Variants in ERICH3 observed in about 807,000 individuals in gnomAD.
ERICH3 encodes glutamate-rich protein 3.
Under a neutral mutation model 131.1 loss-of-function variants are expected in ERICH3, and 126 were observed. That is an observed-to-expected ratio of 0.96 (90% CI 0.83 to 1.11). ERICH3 has a LOEUF of 1.11. Among genes scored for constraint, ERICH3 ranks in the 50% most tolerant of loss-of-function variants. ERICH3 has a pLI of 0.00. For synonymous variants in ERICH3, 695 were observed against 644.6 expected (o/e 1.08, Z -1.18); for missense variants, 2,050 against 1,810.7 (o/e 1.13, Z -2.40).
In ERICH3 at chr1:74,619,990, A is replaced by G. The variant is rs182211471; in HGVS notation, c.1000+744T>C. 6.6e-5 allele frequency among the ~76,000 whole-genome samples: 10 copies of G among 152,258 alleles called. No individual in the cohort carries two copies. In the East Asian group the frequency reaches 9.6e-4, roughly 15 times the overall value. On this transcript the variant is annotated intron_variant, in intron 8 of 14. Coordinates refer to ENST00000326665, the MANE Select transcript of ERICH3 (RefSeq NM_001002912.5). ...AGTAAAAATTCCATGTTTGTCCCCAATTCTCCCCGTAACTCCTACCAAGAT... is the reference window on the plus strand; with the variant it reads ...AGTAAAAATTCCATGTTTGTCCCCAGTTCTCCCCGTAACTCCTACCAAGAT...
chr1:74,631,905 G>A lies in ERICH3; in HGVS notation c.627C>T (p.Phe209=). Residue 209 remains phenylalanine, a synonymous_variant, in exon 7 of 15, where the codon TTC becomes TTT. Transcript: ENST00000326665. ...PIGGKKAVMK[F]RNSIGNSQRM... ...TCTGTGAATTGCCTATGGAGTTCCT[G>A]AACTTCATCACTGCCTTCTTGCCCT... The A allele has an allele frequency of 6.2e-7, 1 of 1,612,832 alleles. No homozygotes were observed. Among genetic ancestry groups the A allele is most frequent in the Non-Finnish European group, 8.5e-7 (1 of 1,179,146 alleles).
chr1:74,588,434 A>G (rs1156255317), intron 12 of ERICH3, among the ~76,000 whole-genome samples: 1 of 152,166 alleles, frequency 6.6e-6, no homozygotes, highest in Non-Finnish European at 1.5e-5. Context: ...AAGATTAATA[A>G]TATTGGTTGA....
rs148417635 is a variant in ERICH3 at position 74,604,428 on chromosome 1, T to A, written c.1489+2173A>T. 3.2e-3 allele frequency among the ~76,000 whole-genome samples: 483 copies of A among 152,084 alleles called. 1 individual carries two copies. The highest frequency in any genetic ancestry group is 5.4e-3 in the Non-Finnish European group (367 of 67,912). ...TGAATCATGAATGTTCTTAATGGCA[T>A]CTAGAATTGTGAATCCTTTCCAGAA... On this transcript the variant is annotated intron_variant, in intron 10 of 14. Transcript: ENST00000326665.
At chr1:74,635,846 TG>T (rs1451324315) in intron 6 of ERICH3, among the ~76,000 whole-genome samples, 2 of 152,186 alleles carry the variant, frequency 1.3e-5, no homozygotes, top group Non-Finnish European at 2.9e-5. Context: ...AAGTCAAACT[TG>T]AAGCAATTTC....
At chr1:74,606,469 G>A in intron 10 of ERICH3, 132 bp downstream of exon 10, 1 of 884,990 alleles carries the variant, frequency 1.1e-6, no homozygotes, top group Non-Finnish European at 1.7e-6. Flanking sequence ...AAAGGAAGGA[G>A]GTCAGGGGCA....
At chr1:74,589,199 G>C (rs1201427160) in intron 12 of ERICH3, 1 of 190,000 alleles carries the variant, frequency 5.3e-6, no homozygotes, top group African/African-American at 2.3e-5. Flanking sequence ...ATATATCTAA[G>C]TGTTTAGAAC....
chr1:74,606,505 C>A, intron 10 of ERICH3, 96 bp downstream of exon 10: 1 of 1,301,042 alleles, frequency 7.7e-7, no homozygotes, highest in Non-Finnish European at 1.1e-6. Context: ...AGCTGGGTAA[C>A]ATTTAATGGG....
At chr1:74,601,219 G>C (rs979017869) in intron 10 of ERICH3, among the ~76,000 whole-genome samples, 13 of 151,720 alleles carry the variant, frequency 8.6e-5, no homozygotes, top group African/African-American at 3.1e-4. Context: ...TAATAAAAAC[G>C]AGTAAATATT....
chr1:74,616,840 G>A (rs948864335), intron 8 of ERICH3, among the ~76,000 whole-genome samples: 9 of 152,100 alleles, frequency 5.9e-5, no homozygotes, highest in Middle Eastern at 3.2e-3. Context: ...TTGAAGTGAC[G>A]GAACCACAGG....
At chr1:74,590,119 T>A (rs968602504) in intron 11 of ERICH3, 39 bp from the exon 12 acceptor site, 6 of 1,464,720 alleles carry the variant, frequency 4.1e-6, no homozygotes, top group Non-Finnish European at 5.5e-6. Flanking sequence ...TGTTGTTCTG[T>A]AAAGCAATTG....
At position 74,599,741 on chromosome 1, in the gene ERICH3, A is replaced by G; in HGVS notation, c.1680T>C (p.Asp560=). ...CACTCTCAGAGCATCCATCATTCTC[A>G]TCTTTCACATTGTCACGGGCATCTG... ...KAPDARDNVK[D]ENDGCSESEL... Residue 560 remains aspartate (D), a synonymous_variant, in exon 11 of 15, where the codon GAT becomes GAC. Coordinates refer to ENST00000326665, the MANE Select transcript of ERICH3 (RefSeq NM_001002912.5). 6.2e-7 allele frequency: 1 copy of G among 1,611,484 alleles called. No individual in the cohort carries two copies. Among genetic ancestry groups the G allele is most frequent in the South Asian group, 1.1e-5 (1 of 90,928 alleles).
chr1:74,652,535 A>ACTTTT (rs1016948906), intron 1 of ERICH3, among the ~76,000 whole-genome samples: 1 of 145,330 alleles, frequency 6.9e-6, no homozygotes, highest in Non-Finnish European at 1.5e-5. Flanking sequence ...TACTCCCTTC[A>ACTTTT]CTTTTCTTTT....
At chr1:74,673,793 G>A, upstream of ERICH3, 1 of 375,342 alleles carries the variant, frequency 2.7e-6, no homozygotes, top group Non-Finnish European at 4.7e-6. Flanking sequence ...AGGCGCTACT[G>A]GAACCGAGCC....
intron 1 of ERICH3, among the ~76,000 whole-genome samples, chr1:74,654,966 T>C (rs554021322): frequency 8.5e-5 from 13 of 152,152 alleles, no homozygotes; most frequent in African/African-American, 2.6e-4. Flanking sequence ...CACAGAGAAA[T>C]ATAATCCACC....
Position 74,639,022 on chromosome 1 carries a change from T to C in ERICH3, c.444+2309A>G, listed in dbSNP as rs560627790. ...ACACAAACCTATGTCACAACCAATA[T>C]GAGAAGCCAAGTGGATTGACTAAAG... On this transcript the variant is annotated intron_variant, in intron 5 of 14. Coordinates refer to ENST00000326665, the MANE Select transcript of ERICH3 (RefSeq NM_001002912.5). Among the ~76,000 whole-genome samples, 4 of 152,220 alleles carry C rather than the reference T, an allele frequency of 2.6e-5. No homozygotes were observed. The East Asian group carries it at 7.7e-4, about 29-fold the overall frequency.
At chr1:74,594,268 T>C (rs2100568932) in intron 11 of ERICH3, among the ~76,000 whole-genome samples, 1 of 140,680 alleles carries the variant, frequency 7.1e-6, no homozygotes, top group East Asian at 2.1e-4. Flanking sequence ...CTCACAAAAA[T>C]GGGGCGTGTG....
rs116050645 is a variant in ERICH3 at position 74,616,666 on chromosome 1, C to G, written c.1001-3857G>C. On this transcript the variant is annotated intron_variant, in intron 8 of 14. Transcript: ENST00000326665. ...GACCACCCAGAACCTCAGAATGTGA[C>G]CTTGTTTGGACATAGGGTCTTCAAA... Among the ~76,000 whole-genome samples, 45 of 152,116 alleles carry G rather than the reference C, an allele frequency of 3.0e-4. No homozygotes were observed. In the Middle Eastern group the frequency reaches 0.01, roughly 34 times the overall value.
Position 74,569,744 on chromosome 1 carries a change from T to C in ERICH3, c.*714A>G, listed in dbSNP as rs1646914126. 1 of 152,206 alleles carries C rather than the reference T, an allele frequency of 6.6e-6. No individual in the cohort carries two copies. Among genetic ancestry groups the C allele is most frequent in the Non-Finnish European group, 1.5e-5 (1 of 68,040 alleles). The allele number at this position is 152,206 out of a possible 1,614,324, so 9.4% of individuals were successfully genotyped here. On this transcript the variant is annotated 3_prime_UTR_variant, in exon 15 of 15. Coordinates refer to ENST00000326665, the MANE Select transcript of ERICH3 (RefSeq NM_001002912.5). ...GCCCCAGGGACAAAATGCTGGAAGCTACCATTTTACTAGTCTACCCCAGAA... is the reference window on the plus strand; with the variant it reads ...GCCCCAGGGACAAAATGCTGGAAGCCACCATTTTACTAGTCTACCCCAGAA...
At chr1:74,612,304 C>A (rs1337354931) in intron 9 of ERICH3, among the ~76,000 whole-genome samples, 1 of 152,118 alleles carries the variant, frequency 6.6e-6, no homozygotes, top group African/African-American at 2.4e-5. Context: ...CAAACAAAAA[C>A]AACAAGCAAA....
Sources: allele counts gnomAD v4.1 joint callset (sites outside exome capture counted in the v4.1 genomes callset), GRCh38; gene constraint gnomAD v4.1.1; transcripts MANE v1.5; gene names NCBI Gene and HGNC (gene_info 2026-07-23, HGNC 2026-07-21).